FGF4: variants seen among roughly 807,000 people sequenced by gnomAD.
FGF4 encodes the protein fibroblast growth factor 4.
FGF4 carries 9 observed loss-of-function variants against 15.7 expected under a neutral mutation model. That is an observed-to-expected ratio of 0.57 (90% CI 0.35 to 1.00). The LOEUF is 1.00. Among genes scored for constraint, FGF4 ranks in the 50% least tolerant of loss-of-function variants. FGF4 has a pLI of 0.02. For missense variants in FGF4, 286 were observed against 297.3 expected (o/e 0.96, Z 0.28); for synonymous variants, 164 against 144.8 (o/e 1.13, Z -0.95).
At position 69,773,346 on chromosome 11, in the gene FGF4, G is replaced by A; in HGVS notation, c.584C>T (p.Pro195Leu). Residue 195 changes from proline (P) to leucine (L), a missense_variant, in exon 3 of 3, where the codon CCC (proline) becomes CTC (leucine). Pro to Leu is a moderately conservative substitution (Grantham distance 98, BLOSUM62 -3). Coordinates refer to ENST00000168712, the MANE Select transcript of FGF4 (RefSeq NM_002007.4). The part of the protein sequence containing the change: ...GKTKKGNRVS[P>L]TMKVTHFLPR... The stretch of plus-strand genomic sequence containing the variant: ...GAGGAAGTGGGTGACCTTCATGGTG[G>A]GCGACACTCGGTTCCCCTTCTTGGT... 1 of 1,614,152 alleles carries A rather than the reference G, an allele frequency of 6.2e-7. No individual in the cohort carries two copies. Among genetic ancestry groups the A allele is most frequent in the Non-Finnish European group, 8.5e-7 (1 of 1,180,004 alleles).
intron 1 of FGF4, 25 bp from the exon 2 acceptor site, chr11:69,774,152 C>T (rs368528007): frequency 5.7e-6 from 9 of 1,576,142 alleles, no homozygotes; most frequent in East Asian, 4.5e-5. Context: ...CAGGTCATTG[C>T]GGGGCAGGTG....
At chr11:69,774,549 G>A (rs562154928) in intron 1 of FGF4, among the ~76,000 whole-genome samples, 196 bp downstream of exon 1, 1 of 152,214 alleles carries the variant, frequency 6.6e-6, no homozygotes, top group Admixed American at 6.5e-5. Flanking sequence ...GACCTCAGGG[G>A]TTGCGCTGGG....
rs113318144 is a variant in FGF4, at chr11:69,773,103, C to CT, written c.*205dup. ...AGTCAGAGTTGGTTTTTTGTTTTGT[C>CT]TTTTTTTCCCCCCAGAAAATTAAAA... On this transcript the variant is annotated 3_prime_UTR_variant, in exon 3 of 3. Transcript: ENST00000168712. The CT allele has an allele frequency of 1.9e-5, 9 of 474,552 alleles. No individual in the cohort carries two copies. Among genetic ancestry groups the CT allele is most frequent in the Admixed American group, 1.5e-4 (4 of 27,386 alleles). The allele number at this position is 474,552 out of a possible 1,614,324, so 29.4% of individuals were successfully genotyped here. A position where few individuals can be genotyped will look rare whatever the true frequency, so the allele number is the denominator to read the frequency against.
At chr11:69,773,961 G>C (rs2073464) in intron 2 of FGF4, 63 bp downstream of exon 2, 2 of 1,388,956 alleles carry the variant, frequency 1.4e-6, no homozygotes, top group East Asian at 4.7e-5. Flanking sequence ...GAGAAGCCAC[G>C]AGCCTGCTAG....
chr11:69,774,192 T>C, intron 1 of FGF4, 65 bp from the exon 2 acceptor site: 2 of 1,344,418 alleles, frequency 1.5e-6, no homozygotes, highest in South Asian at 1.2e-5. Context: ...CCTCGGCTTG[T>C]TCGCCTCCGG....
Position 69,773,148 on chromosome 11 carries a change from A to C in FGF4, c.*161T>G. On this transcript the variant is annotated 3_prime_UTR_variant, in exon 3 of 3. Coordinates refer to ENST00000168712, the MANE Select transcript of FGF4 (RefSeq NM_002007.4). ...TTAAAAAACACACCCGCAGAACTAT[A>C]AATAATTTGGTGGCAATATATACAC... The C allele has an allele frequency of 3.6e-6, 2 of 562,892 alleles. No individual in the cohort carries two copies. Among genetic ancestry groups the C allele is most frequent in the Non-Finnish European group, 6.2e-6 (2 of 324,392 alleles). 34.9% of individuals were successfully genotyped at this position (562,892 alleles called of 1,614,324 possible). A position where few individuals can be genotyped will look rare whatever the true frequency, so the allele number is the denominator to read the frequency against.
At position 69,771,176 on chromosome 11, in the gene FGF4, A is replaced by G. The variant is rs1031858191; in HGVS notation, c.*2133T>C. 2.0e-5 allele frequency: 3 copies of G among 152,274 alleles called. No homozygotes were observed. The highest frequency in any genetic ancestry group is 2.9e-5 in the Non-Finnish European group (2 of 68,054). 9.4% of individuals were successfully genotyped at this position (152,274 alleles called of 1,614,324 possible). A position where few individuals can be genotyped will look rare whatever the true frequency, so the allele number is the denominator to read the frequency against. On this transcript the variant is annotated 3_prime_UTR_variant, in exon 3 of 3. Coordinates refer to ENST00000168712, the MANE Select transcript of FGF4 (RefSeq NM_002007.4). ...TCACAACGAGGGTCGGCACCTGTAT[A>G]AAACTACAGATTCTGAAAACAGTGG...
intron 1 of FGF4, among the ~76,000 whole-genome samples, chr11:69,774,331 A>T (rs979555975): frequency 1.3e-5 from 2 of 152,148 alleles, no homozygotes; most frequent in African/African-American, 4.8e-5. Flanking sequence ...AGCTCAGATT[A>T]GCTTGCCTGT....
Position 69,774,125 on chromosome 11 carries a change from G to A in FGF4, c.343C>T (p.Leu115=). Residue 115 remains leucine (L), a splice_region_variant and synonymous_variant, in exon 2 of 3, where the codon CTG becomes TTG. Transcript: ENST00000168712. ...CGCTCCACGGGCGAGAGCTCCAGCAGGCCTGGGGGCGGGGCGCAGGTCATT... is the reference window on the plus strand; with the variant it reads ...CGCTCCACGGGCGAGAGCTCCAGCAAGCCTGGGGGCGGGGCGCAGGTCATT... ...GGAHADTRDS[L]LELSPVERGV... 1 of 1,610,908 alleles carries A rather than the reference G, an allele frequency of 6.2e-7. No homozygotes were observed. The highest frequency in any genetic ancestry group is 8.5e-7 in the Non-Finnish European group (1 of 1,179,248).
At chr11:69,774,623 G>GC in intron 1 of FGF4, 122 bp downstream of exon 1, 1 of 700,420 alleles carries the variant, frequency 1.4e-6, no homozygotes. Context: ...GCCCGAGTCC[G>GC]CCCCGGTTCC....
Position 69,773,388 on chromosome 11 carries a change from A to G in FGF4, c.542T>C (p.Leu181Pro). The change falls in exon 3 of 3, where the codon CTG becomes CCG. Residue 181 changes from leucine (L) to proline (P), a missense_variant. Leu to Pro is a moderately conservative substitution (Grantham distance 98, BLOSUM62 -3). Transcript: ENST00000168712. ...CTTCTTGGTCTTCCCATTCTTGCTCAGGGCGATGAACATGCCGGGGTACTT... is the reference window on the plus strand; with the variant it reads ...CTTCTTGGTCTTCCCATTCTTGCTCGGGGCGATGAACATGCCGGGGTACTT... The part of the protein sequence containing the change: ...SYKYPGMFIA[L>P]SKNGKTKKGN... 6.2e-7 allele frequency: 1 copy of G among 1,614,146 alleles called. No individual in the cohort carries two copies. Among genetic ancestry groups the G allele is most frequent in the Non-Finnish European group, 8.5e-7 (1 of 1,180,020 alleles).
rs1272896497 is a variant in FGF4 at position 69,775,291 on chromosome 11, G to A, written c.-207C>T. On this transcript the variant is annotated 5_prime_UTR_variant, in exon 1 of 3. Coordinates refer to ENST00000168712, the MANE Select transcript of FGF4 (RefSeq NM_002007.4). ...GAGCGGCGAGCCGGGCGGAAAGCGC[G>A]CGGCTGGAGCTGGGACTCTGAGGAG... is the stretch of plus-strand genomic sequence containing the variant. 7.8e-6 allele frequency: 3 copies of A among 382,186 alleles called. No individual in the cohort carries two copies. Among genetic ancestry groups the A allele is most frequent in the Admixed American group, 4.6e-5 (1 of 21,836 alleles). The allele number at this position is 382,186 out of a possible 1,614,324, so 23.7% of individuals were successfully genotyped here.
Position 69,774,915 on chromosome 11 carries a change from C to A in FGF4, c.170G>T (p.Arg57Leu). Residue 57 changes from arginine to leucine, a missense_variant, in exon 1 of 3, where the codon CGC becomes CTC. Physicochemically the swap from Arg to Leu is moderately radical, Grantham distance 102 (BLOSUM62 -2). Coordinates refer to ENST00000168712, the MANE Select transcript of FGF4 (RefSeq NM_002007.4). Reference protein sequence around the residue: ...WESLVALSLARLPVAAQPKEA... With the variant: ...WESLVALSLALLPVAAQPKEA... ...CTTGGGCTGCGCTGCCACCGGCAGG[C>A]GCGCCAACGAGAGCGCCACCAGGCT... 1 of 1,481,216 alleles carries A rather than the reference C, an allele frequency of 6.8e-7. No individual in the cohort carries two copies. The allele number at this position is 1,481,216 out of a possible 1,614,324, so 91.8% of individuals were successfully genotyped here.
chr11:69,773,281 G>C lies in FGF4; in HGVS notation c.*28C>G, dbSNP rs375048236. ...GGCACTGCCCTCCCAGGGGCTTCCC[G>C]AGGCTGAGGCAAGGGTCCTCTGGAG... On this transcript the variant is annotated 3_prime_UTR_variant, in exon 3 of 3. Coordinates refer to ENST00000168712, the MANE Select transcript of FGF4 (RefSeq NM_002007.4). The C allele has an allele frequency of 6.2e-7, 1 of 1,611,302 alleles. No homozygotes were observed. The highest frequency in any genetic ancestry group is 8.5e-7 in the Non-Finnish European group (1 of 1,177,942).
Position 69,774,753 on chromosome 11 carries a change from G to A in FGF4, c.332C>T (p.Thr111Ile). The change falls in exon 1 of 3, where the codon ACC (threonine) becomes ATC (isoleucine). Residue 111 changes from threonine to isoleucine, a missense_variant. Transcript: ENST00000168712. Reference sequence around the variant, plus strand: ...CTGGCCGCGCCACTCACTGTCGCGGGTGTCCGCGTGCGCGCCGCCGATGCG... The same window carrying A: ...CTGGCCGCGCCACTCACTGTCGCGGATGTCCGCGTGCGCGCCGCCGATGCG... ...DGRIGGAHAD[T>I]RDSLLELSPV... 6.7e-7 allele frequency: 1 copy of A among 1,493,208 alleles called. No homozygotes were observed. Among genetic ancestry groups the A allele is most frequent in the Non-Finnish European group, 8.8e-7 (1 of 1,130,818 alleles). 92.5% of individuals were successfully genotyped at this position (1,493,208 alleles called of 1,614,324 possible). A position where few individuals can be genotyped will look rare whatever the true frequency, so the allele number is the denominator to read the frequency against.
At chr11:69,774,204 G>A (rs1372517708) in intron 1 of FGF4, 77 bp from the exon 2 acceptor site, 1 of 1,239,292 alleles carries the variant, frequency 8.1e-7, no homozygotes, top group East Asian at 2.4e-5. Context: ...CGCCTCCGGG[G>A]ACCCTATTTC....
rs1426711594 is a variant in FGF4, at chr11:69,774,881, G to C, written c.204C>G (p.Ala68=). Residue 68 remains alanine (A), a synonymous_variant, in exon 1 of 3, where the codon GCC becomes GCG. Transcript: ENST00000168712. ...LPVAAQPKEA[A]VQSGAGDYLL... is the part of the protein sequence containing the mutation. ...GGTAGTCGCCGGCGCCGCTCTGGAC[G>C]GCCGCCTCCTTGGGCTGCGCTGCCA... The C allele has an allele frequency of 3.3e-6, 5 of 1,497,184 alleles. No individual in the cohort carries two copies. The Admixed American group carries it at 6.4e-5, about 19-fold the overall frequency. The allele number at this position is 1,497,184 out of a possible 1,614,324, so 92.7% of individuals were successfully genotyped here.
chr11:69,774,189 T>C, intron 1 of FGF4, 62 bp from the exon 2 acceptor site: 2 of 1,359,992 alleles, frequency 1.5e-6, no homozygotes, highest in East Asian at 4.7e-5. Context: ...GCCCCTCGGC[T>C]TGTTCGCCTC....
intron 1 of FGF4, 104 bp downstream of exon 1, chr11:69,774,641 C>G: frequency 1.1e-6 from 1 of 942,644 alleles, no homozygotes; most frequent in Non-Finnish European, 1.4e-6. Flanking sequence ...TCCCGGGGCC[C>G]CCGAGCAGGT....
Sources: gnomAD v4.1 joint callset for allele counts (sites outside exome capture counted in the v4.1 genomes callset) on GRCh38, gnomAD v4.1.1 for gene constraint, MANE v1.5 for transcripts, NCBI Gene and HGNC (gene_info 2026-07-23, HGNC 2026-07-21) for gene names.